ADGRB3: variants seen among roughly 807,000 people sequenced by gnomAD.
ADGRB3 encodes adhesion G protein-coupled receptor B3.
Under a neutral mutation model 193.4 loss-of-function variants are expected in ADGRB3, and 37 were observed. The ratio of observed to expected loss-of-function variants is 0.19; its 90% CI spans 0.15 to 0.25. The LOEUF is 0.25. ADGRB3 is among the 10% of genes least tolerant of loss of function. The pLI, the probability that ADGRB3 is intolerant of heterozygous loss-of-function variation, is 1.00. For synonymous variants in ADGRB3, 690 were observed against 644.2 expected (o/e 1.07, Z -1.08); for missense variants, 1,637 against 1,852.9 (o/e 0.88, Z 2.14).
intron 3 of ADGRB3, among the ~76,000 whole-genome samples, chr6:68,692,203 A>G (rs1428902794): frequency 1.3e-5 from 2 of 151,940 alleles, no homozygotes; most frequent in African/African-American, 2.4e-5. Flanking sequence ...TAACATTTGA[A>G]TCAACTATGC....
chr6:69,268,191 A>C (rs192828307), intron 20 of ADGRB3, among the ~76,000 whole-genome samples: 1 of 152,286 alleles, frequency 6.6e-6, no homozygotes, highest in Non-Finnish European at 1.5e-5. Flanking sequence ...GAAATTTGTC[A>C]TATAATTTTT....
At chr6:69,025,520 T>C (rs1230744314) in intron 13 of ADGRB3, among the ~76,000 whole-genome samples, 7 of 141,250 alleles carry the variant, frequency 5.0e-5, no homozygotes, top group African/African-American at 7.5e-5. Flanking sequence ...ATACACAATT[T>C]AACTTTTTTT....
At chr6:68,849,305 C>T (rs776711738) in intron 3 of ADGRB3, among the ~76,000 whole-genome samples, 1 of 151,506 alleles carries the variant, frequency 6.6e-6, no homozygotes, top group Non-Finnish European at 1.5e-5. Flanking sequence ...ACAATGTAGA[C>T]TAGCATCTAA....
At chr6:69,210,149 C>CATTATATATATATATATATATATATATAT (rs1765628851) in intron 17 of ADGRB3, among the ~76,000 whole-genome samples, 1 of 78,940 alleles carries the variant, frequency 1.3e-5, no homozygotes, top group Non-Finnish European at 2.5e-5. Flanking sequence ...TAATATATAT[C>CATTATATATATATATATATATATATATAT]ATATATATAT....
chr6:69,102,197 A>G (rs1340919091), intron 17 of ADGRB3, among the ~76,000 whole-genome samples: 1 of 144,268 alleles, frequency 6.9e-6, no homozygotes, highest in Non-Finnish European at 1.5e-5. Context: ...AAAAAAAAAG[A>G]CTCTCCATCT....
chr6:68,840,106 A>C (rs924898445), intron 3 of ADGRB3, among the ~76,000 whole-genome samples: 4 of 152,132 alleles, frequency 2.6e-5, no homozygotes, highest in Non-Finnish European at 5.9e-5. Flanking sequence ...TGGGATTCTA[A>C]ATAAAATTGA....
chr6:69,071,123 A>G (rs1259428006), intron 16 of ADGRB3, among the ~76,000 whole-genome samples: 1 of 152,178 alleles, frequency 6.6e-6, no homozygotes, highest in African/African-American at 2.4e-5. Flanking sequence ...TGTTTAGTAA[A>G]TGAATGCAGA....
rs865823684 is a variant in ADGRB3 at position 69,334,262 on chromosome 6, C to G, written c.3188+1254C>G. Among the ~76,000 whole-genome samples the G allele has an allele frequency of 4.0e-5, 6 of 151,796 alleles. No individual in the cohort carries two copies. The South Asian group carries it at 8.3e-4, about 21-fold the overall frequency. ...TAATTTGTGGTATTATTTAATAGTC[C>G]TACTAATTGATCAGTTACTTATGAA... On this transcript the variant is annotated intron_variant, in intron 24 of 31. Transcript: ENST00000370598.
intron 17 of ADGRB3, among the ~76,000 whole-genome samples, chr6:69,136,369 C>G (rs1774149762): frequency 6.6e-6 from 1 of 152,078 alleles, no homozygotes; most frequent in South Asian, 2.1e-4. Context: ...AGAATGTATA[C>G]TTACAACTTT....
At chr6:69,146,221 T>C (rs1276048785) in intron 17 of ADGRB3, among the ~76,000 whole-genome samples, 1 of 151,652 alleles carries the variant, frequency 6.6e-6, no homozygotes, top group Non-Finnish European at 1.5e-5. Context: ...TCTGGAGGGG[T>C]CTAAATTGGG....
intron 3 of ADGRB3, among the ~76,000 whole-genome samples, chr6:68,673,630 T>C (rs906652863): frequency 6.6e-6 from 1 of 152,138 alleles, no homozygotes; most frequent in African/African-American, 2.4e-5. Flanking sequence ...TACATAATTG[T>C]CACTGGGGTT....
chr6:68,923,359 C>G (rs1023771718), intron 3 of ADGRB3, among the ~76,000 whole-genome samples: 2 of 151,938 alleles, frequency 1.3e-5, no homozygotes, highest in African/African-American at 4.8e-5. Flanking sequence ...TCTTTCAACT[C>G]AATTGATTGT....
intron 3 of ADGRB3, among the ~76,000 whole-genome samples, chr6:68,891,622 G>A (rs1766079331): frequency 6.6e-6 from 1 of 152,150 alleles, no homozygotes. Context: ...GACTAGTAGT[G>A]CCATTAATGA....
At chr6:68,650,075 T>C (rs1768325507) in intron 3 of ADGRB3, among the ~76,000 whole-genome samples, 1 of 152,122 alleles carries the variant, frequency 6.6e-6, no homozygotes, top group Admixed American at 6.5e-5. Context: ...CACCAAGGTG[T>C]ATAGTTGAGT....
At chr6:69,315,858 A>C (rs754702022) in intron 20 of ADGRB3, among the ~76,000 whole-genome samples, 4 of 151,426 alleles carry the variant, frequency 2.6e-5, no homozygotes, top group African/African-American at 7.3e-5. Context: ...TATTGTTGAA[A>C]TGTTACTATA....
At chr6:69,370,260 A>G (rs1289226736) in intron 29 of ADGRB3, among the ~76,000 whole-genome samples, 1 of 152,158 alleles carries the variant, frequency 6.6e-6, no homozygotes, top group Non-Finnish European at 1.5e-5. Context: ...AAAGTGCTAT[A>G]TAAACAATAA....
chr6:69,087,329 C>T (rs1482324), intron 17 of ADGRB3, among the ~76,000 whole-genome samples: 48,460 of 152,038 alleles, frequency 0.32, 9,424 homozygotes, highest in East Asian at 0.86. Flanking sequence ...ATCTGATAAT[C>T]CAAACAGCTT....
chr6:68,920,512 C>CAAAAAAAAAAAAAAAAAA (rs5877180), intron 3 of ADGRB3, among the ~76,000 whole-genome samples: 1 of 68,916 alleles, frequency 1.5e-5, no homozygotes. Flanking sequence ...GACTCTGTAT[C>CAAAAAAAAAAAAAAAAAA]AAAAAAAAAA....
intron 3 of ADGRB3, among the ~76,000 whole-genome samples, chr6:68,683,076 C>G (rs539339331): frequency 6.6e-6 from 1 of 151,890 alleles, no homozygotes; most frequent in African/African-American, 2.4e-5. Flanking sequence ...TGAGCCACCG[C>G]GCCTGGCCAA....
Sources: gnomAD v4.1 joint callset for allele counts (sites outside exome capture counted in the v4.1 genomes callset) on GRCh38, gnomAD v4.1.1 for gene constraint, MANE v1.5 for transcripts, NCBI Gene and HGNC (gene_info 2026-07-23, HGNC 2026-07-21) for gene names.